Variants in SLC25A48 observed in about 807,000 individuals in gnomAD.
SLC25A48 encodes the protein CTC-321K16.1.
A neutral mutation model predicts 32.2 loss-of-function variants in SLC25A48; 29 were observed. The observed-to-expected ratio is 0.90, with a 90% confidence interval of 0.67 to 1.23. The LOEUF (loss-of-function observed/expected upper bound fraction) is 1.23, where lower values mean the gene tolerates loss of function less well. Ranked by LOEUF, SLC25A48 falls within the 50% of genes most tolerant of loss-of-function variation. The pLI, the probability that SLC25A48 is intolerant of heterozygous loss-of-function variation, is 0.00. For synonymous variants in SLC25A48, 164 were observed against 172.3 expected, an observed-to-expected ratio of 0.95 and a Z score of 0.38; for missense variants, 399 against 422.7, an observed-to-expected ratio of 0.94 and a Z score of 0.49.
chr5:135,645,166 A>C (rs1752930604), intron 3 of SLC25A48, among the ~76,000 whole-genome samples: 1 of 152,190 alleles, frequency 6.6e-6, no homozygotes, highest in South Asian at 2.1e-4. Context: ...ACTTGTGGAC[A>C]GTTTTCCCTT....
rs747888245 is a variant in SLC25A48, at chr5:135,763,754, A to AACACACACACACACACAC, written c.-520-48760_-520-48759insCACACACACACACACACA. 3.6e-3 allele frequency among the ~76,000 whole-genome samples: 523 copies of AACACACACACACACACAC among 145,970 alleles called. 1 individual carries two copies. The highest frequency in any genetic ancestry group is 0.01 in the Middle Eastern group (3 of 288). On this transcript the variant is annotated intron_variant, in intron 3 of 10. Transcript: ENST00000646290. The stretch of plus-strand genomic sequence containing the variant: ...GTGCTTAGGAAACCGGAGAAATAGG[A>AACACACACACACACACAC]ACACACACATACACACACACACACA...
intron 7 of SLC25A48, among the ~76,000 whole-genome samples, chr5:135,886,887 C>T (rs1762757780): frequency 6.6e-6 from 1 of 151,602 alleles, no homozygotes; most frequent in Admixed American, 6.6e-5. Context: ...GAATTCCAAG[C>T]CAAGCACCAG....
At chr5:135,709,028 A>C (rs571033921) in intron 3 of SLC25A48, among the ~76,000 whole-genome samples, 58 of 152,328 alleles carry the variant, frequency 3.8e-4, no homozygotes, top group African/African-American at 1.3e-3. Flanking sequence ...ATTATTACAA[A>C]ATGTGGAAAA....
intron 6 of SLC25A48, among the ~76,000 whole-genome samples, chr5:135,877,143 A>C (rs1762122578): frequency 6.6e-6 from 1 of 151,902 alleles, no homozygotes; most frequent in Non-Finnish European, 1.5e-5. Flanking sequence ...AAGTCCATGG[A>C]CTTGTCGAGG....
chr5:135,735,516 C>T (rs181586332), intron 3 of SLC25A48, among the ~76,000 whole-genome samples: 174 of 152,272 alleles, frequency 1.1e-3, no homozygotes, highest in African/African-American at 4.2e-3. Flanking sequence ...TTTCTTTAAG[C>T]TTGTCATAAT....
chr5:135,648,761 T>G (rs1216076787), intron 3 of SLC25A48: 1 of 152,242 alleles, frequency 6.6e-6, no homozygotes, highest in Non-Finnish European at 1.5e-5. Flanking sequence ...TGCATTTTTT[T>G]GTAAGTCTAA....
chr5:135,593,146 A>T (rs1751566370), intron 1 of SLC25A48, among the ~76,000 whole-genome samples: 1 of 152,002 alleles, frequency 6.6e-6, no homozygotes, highest in Non-Finnish European at 1.5e-5. Flanking sequence ...GTTGTATTGC[A>T]TTGTTCCCCC....
intron 3 of SLC25A48, among the ~76,000 whole-genome samples, chr5:135,761,696 T>C (rs1185220044): frequency 6.6e-6 from 1 of 152,188 alleles, no homozygotes; most frequent in Non-Finnish European, 1.5e-5. Context: ...TCTTAAACCG[T>C]ATTCATGGGA....
At chr5:135,587,599 A>C (rs536064999) in intron 1 of SLC25A48, among the ~76,000 whole-genome samples, 1 of 152,308 alleles carries the variant, frequency 6.6e-6, no homozygotes, top group South Asian at 2.1e-4. Flanking sequence ...AACAGGGTCC[A>C]AGGTGTTCCT....
chr5:135,877,766 G>A (rs765716882), intron 6 of SLC25A48, among the ~76,000 whole-genome samples: 2 of 152,142 alleles, frequency 1.3e-5, no homozygotes, highest in Non-Finnish European at 2.9e-5. Flanking sequence ...TGTGAGGAGT[G>A]CTGTGATGGG....
chr5:135,850,605 C>T, intron 3 of SLC25A48, 109 bp downstream of exon 3: 1 of 964,920 alleles, frequency 1.0e-6, no homozygotes, highest in Non-Finnish European at 1.6e-6. Context: ...TCATCCTGCT[C>T]TTCACACTCA....
chr5:135,814,055 G>A (rs1252740073), intron 4 of SLC25A48, among the ~76,000 whole-genome samples: 1 of 152,180 alleles, frequency 6.6e-6, no homozygotes, highest in African/African-American at 2.4e-5. Flanking sequence ...CGGGTTTGGG[G>A]ATATTTTCCC....
At chr5:135,740,573 A>C (rs1411746019) in intron 3 of SLC25A48, among the ~76,000 whole-genome samples, 1 of 152,196 alleles carries the variant, frequency 6.6e-6, no homozygotes, top group Non-Finnish European at 1.5e-5. Flanking sequence ...TGACCCTGAA[A>C]ACAGGACAGG....
At chr5:135,851,498 C>T (rs956121117) in intron 3 of SLC25A48, among the ~76,000 whole-genome samples, 3 of 152,184 alleles carry the variant, frequency 2.0e-5, no homozygotes, top group Non-Finnish European at 2.9e-5. Context: ...CATAGCAGCC[C>T]ATGGCTAAGC....
chr5:135,827,984 T>C (rs1758107616), intron 4 of SLC25A48, among the ~76,000 whole-genome samples: 2 of 152,172 alleles, frequency 1.3e-5, no homozygotes, highest in Admixed American at 1.3e-4. Context: ...CCGAGCCATG[T>C]CCCCTCCTCT....
chr5:135,784,545 C>T (rs948577215), intron 3 of SLC25A48, among the ~76,000 whole-genome samples: 2 of 117,692 alleles, frequency 1.7e-5, no homozygotes, highest in African/African-American at 5.2e-5. Flanking sequence ...ATATTACCCC[C>T]AATATTGCAG....
At chr5:135,883,314 G>C in intron 7 of SLC25A48, 1 of 985,440 alleles carries the variant, frequency 1.0e-6, no homozygotes, top group Non-Finnish European at 1.2e-6. Flanking sequence ...CCTGCACCTG[G>C]TAACAAACAA....
At chr5:135,587,017 A>C (rs1378987654) in intron 1 of SLC25A48, among the ~76,000 whole-genome samples, 1 of 152,058 alleles carries the variant, frequency 6.6e-6, no homozygotes, top group Non-Finnish European at 1.5e-5. Context: ...AGGTCAGGGC[A>C]TTGTATTTTT....
At chr5:135,611,668 CA>C (rs914700723) in intron 1 of SLC25A48, among the ~76,000 whole-genome samples, 12 of 152,058 alleles carry the variant, frequency 7.9e-5, no homozygotes, top group African/African-American at 2.7e-4. Flanking sequence ...GCTGAGACTG[CA>C]CCTCTGCACG....
Sources: allele counts gnomAD v4.1 joint callset (sites outside exome capture counted in the v4.1 genomes callset), GRCh38; gene constraint gnomAD v4.1.1; transcripts MANE v1.5; gene names NCBI Gene and HGNC (gene_info 2026-07-23, HGNC 2026-07-21).